Variants in SERPINA12 observed in about 807,000 individuals in gnomAD.
SERPINA12 encodes serpin family A member 12.
A neutral mutation model predicts 25.9 loss-of-function variants in SERPINA12; 21 were observed. That is an observed-to-expected ratio of 0.81 (90% CI 0.58 to 1.17). The LOEUF (loss-of-function observed/expected upper bound fraction) is 1.17. SERPINA12 is among the 50% of genes most tolerant of loss of function. SERPINA12 has a pLI of 0.00. For missense variants in SERPINA12, 562 were observed against 508.3 expected (o/e 1.11, Z -1.02); for synonymous variants, 220 against 196.0 (o/e 1.12, Z -1.02).
At chr14:94,514,308 C>T (rs1167152821), upstream of SERPINA12, among the ~76,000 whole-genome samples, 1 of 152,272 alleles carries the variant, frequency 6.6e-6, no homozygotes, top group Non-Finnish European at 1.5e-5. Context: ...CACCCCCTCC[C>T]AGCCACAGCT....
intron 1 of SERPINA12, among the ~76,000 whole-genome samples, chr14:94,516,608 C>T (rs1156450317): frequency 6.6e-6 from 1 of 152,248 alleles, no homozygotes; most frequent in African/African-American, 2.4e-5. Context: ...AAATACCTTT[C>T]TCTCGTAGCC....
chr14:94,503,817 T>C (rs1448865506), intron 1 of SERPINA12, among the ~76,000 whole-genome samples: 3 of 152,234 alleles, frequency 2.0e-5, no homozygotes, highest in Non-Finnish European at 4.4e-5. Flanking sequence ...CAAGGATGAC[T>C]GTGGCCAGCA....
intron 1 of SERPINA12, among the ~76,000 whole-genome samples, chr14:94,505,784 G>T (rs530047691): frequency 1.3e-5 from 2 of 152,330 alleles, no homozygotes; most frequent in African/African-American, 4.8e-5. Flanking sequence ...GGCCAGGGTA[G>T]GGATGCCCAC....
chr14:94,510,667 G>A (rs113209102), upstream of SERPINA12, among the ~76,000 whole-genome samples: 12 of 152,066 alleles, frequency 7.9e-5, no homozygotes, highest in African/African-American at 1.4e-4. Flanking sequence ...CACATGTTGC[G>A]TAATTTCAAA....
Position 94,489,661 on chromosome 14 carries a change from G to A in SERPINA12, c.1012C>T (p.Leu338Phe), listed in dbSNP as rs753479344. ...VSKIFEEHGD[L>F]TKIAPHRSLK... ...CTGCGATGAGGGGCGATCTTGGTGA[G>A]ATCACCATGTTCCTCAAAGATTTTG... The change falls in exon 4 of 5, where the codon CTC becomes TTC. Residue 338 changes from leucine to phenylalanine, a missense_variant. Leu to Phe is a conservative substitution (Grantham distance 22). Coordinates refer to ENST00000677451, the MANE Select transcript of SERPINA12 (RefSeq NM_001382267.1). 1 of 1,614,196 alleles carries A rather than the reference G, an allele frequency of 6.2e-7. No homozygotes were observed. Among genetic ancestry groups the A allele is most frequent in the South Asian group, 1.1e-5 (1 of 91,082 alleles).
intron 3 of SERPINA12, among the ~76,000 whole-genome samples, chr14:94,495,162 G>A (rs898567869): frequency 7.1e-6 from 1 of 141,416 alleles, no homozygotes; most frequent in African/African-American, 2.7e-5. Flanking sequence ...TCCGCCTCCC[G>A]GGTTCATGCC....
At chr14:94,505,987 G>A (rs1900918641) in intron 1 of SERPINA12, among the ~76,000 whole-genome samples, 1 of 152,200 alleles carries the variant, frequency 6.6e-6, no homozygotes, top group Non-Finnish European at 1.5e-5. Context: ...GAAGGATATA[G>A]GCATGGGAGG....
chr14:94,489,841 CA>C, intron 3 of SERPINA12, 74 bp from the exon 4 acceptor site: 7 of 1,439,148 alleles, frequency 4.9e-6, no homozygotes, highest in Non-Finnish European at 4.8e-6. Context: ...GATACATGAC[CA>C]ATGAAACATG....
At chr14:94,496,725 C>T (rs1343431190) in intron 2 of SERPINA12, 82 bp from the exon 3 acceptor site, 2 of 1,166,092 alleles carry the variant, frequency 1.7e-6, no homozygotes, top group Non-Finnish European at 2.5e-6. Context: ...AGTCTCTCTC[C>T]ACACAGATTC....
At chr14:94,510,443 A>G (rs1183676760), upstream of SERPINA12, among the ~76,000 whole-genome samples, 1 of 152,216 alleles carries the variant, frequency 6.6e-6, no homozygotes, top group South Asian at 2.1e-4. Flanking sequence ...AAAGTAAAAA[A>G]TAAAAATAAA....
intron 1 of SERPINA12, among the ~76,000 whole-genome samples, chr14:94,507,968 G>A (rs1900992116): frequency 6.6e-6 from 1 of 152,200 alleles, no homozygotes; most frequent in Admixed American, 6.5e-5. Context: ...AGAAGGGAGA[G>A]AGAGAAAGAG....
intron 2 of SERPINA12, chr14:94,515,756 G>C (rs1901217302): frequency 6.6e-6 from 1 of 152,036 alleles, no homozygotes; most frequent in Non-Finnish European, 1.5e-5. Flanking sequence ...TTTCAGGGCA[G>C]GGAAATGCTG....
intron 1 of SERPINA12, among the ~76,000 whole-genome samples, chr14:94,516,854 A>G (rs1464946692): frequency 2.6e-5 from 4 of 152,232 alleles, no homozygotes; most frequent in African/African-American, 4.8e-5. Flanking sequence ...AGGGTAGAAC[A>G]GGTGATGAAA....
rs760479557 is a variant in SERPINA12 at position 94,509,431 on chromosome 14, G to A, written c.-123C>T. ...GATCCCAGCCTCCTAGTCCTTTTTCGGTCCTGGTCCTGCAGCCTTCAGGTT... is the reference window on the plus strand; with the variant it reads ...GATCCCAGCCTCCTAGTCCTTTTTCAGTCCTGGTCCTGCAGCCTTCAGGTT... On this transcript the variant is annotated 5_prime_UTR_variant, in exon 1 of 5. Transcript: ENST00000677451. Among the ~76,000 whole-genome samples, 3 of 151,650 alleles carry A rather than the reference G, an allele frequency of 2.0e-5. No homozygotes were observed. Among genetic ancestry groups the A allele is most frequent in the Admixed American group, 6.6e-5 (1 of 15,226 alleles).
intron 3 of SERPINA12, among the ~76,000 whole-genome samples, chr14:94,494,127 A>G (rs1900295601): frequency 6.6e-6 from 1 of 152,226 alleles, no homozygotes; most frequent in Admixed American, 6.5e-5. Flanking sequence ...TCTGGAGTCC[A>G]TGTCTCACAA....
chr14:94,507,365 TCATTAA>T (rs1340001035), intron 1 of SERPINA12, among the ~76,000 whole-genome samples: 2 of 152,220 alleles, frequency 1.3e-5, no homozygotes, highest in Admixed American at 6.5e-5. Flanking sequence ...AAATGGAACT[TCATTAA>T]CATTAAGAGC....
chr14:94,511,244 CACACACACACATATATATAT>C (rs1227524193), upstream of SERPINA12: 5 of 223,726 alleles, frequency 2.2e-5, no homozygotes, highest in African/African-American at 7.0e-5. Context: ...TGTACACACA[CACACACACACATATATATAT>C]ACACACACAC....
chr14:94,511,850 C>A (rs1901119827), upstream of SERPINA12: 1 of 447,196 alleles, frequency 2.2e-6, no homozygotes, highest in Admixed American at 6.4e-5. Context: ...GTACTCCTAG[C>A]ACTTTGGGAG....
chr14:94,515,315 C>T (rs569953562), intron 2 of SERPINA12, among the ~76,000 whole-genome samples: 2 of 152,036 alleles, frequency 1.3e-5, no homozygotes, highest in South Asian at 2.1e-4. Flanking sequence ...CTGGGTGGTC[C>T]GGGAAGGCTT....
Sources: gnomAD v4.1 joint callset for allele counts (sites outside exome capture counted in the v4.1 genomes callset) on GRCh38, gnomAD v4.1.1 for gene constraint, MANE v1.5 for transcripts, NCBI Gene and HGNC (gene_info 2026-07-23, HGNC 2026-07-21) for gene names.